The following PAAF1 variants were observed in gnomAD, a reference collection of about 807,000 sequenced individuals.
PAAF1 encodes the protein proteasomal ATPase associated factor 1, also known as proteasomal ATPase-associated factor 1.
Under a neutral mutation model 52.8 loss-of-function variants are expected in PAAF1, and 46 were observed. That is an observed-to-expected ratio of 0.87 (90% CI 0.69 to 1.11). The LOEUF (loss-of-function observed/expected upper bound fraction) is 1.11. Among genes scored for constraint, PAAF1 ranks in the 50% most tolerant of loss-of-function variants. The pLI is 0.00. For missense variants in PAAF1, 424 were observed against 477.4 expected (o/e 0.89, Z 1.04); for synonymous variants, 178 against 172.8 (o/e 1.03, Z -0.24).
intron 6 of PAAF1, among the ~76,000 whole-genome samples, chr11:73,904,905 C>G (rs1326413412): frequency 6.6e-6 from 1 of 152,120 alleles, no homozygotes; most frequent in African/African-American, 2.4e-5. Flanking sequence ...AAGGCAAATG[C>G]TTTTGTGTTC....
chr11:73,876,776 G>C (rs1273448718), upstream of PAAF1: 1 of 382,136 alleles, frequency 2.6e-6, no homozygotes, highest in Non-Finnish European at 4.7e-6. Flanking sequence ...GGGAGAAGAG[G>C]GCCCGAACGC....
intron 10 of PAAF1, chr11:73,922,318 ACT>A (rs1478500569): frequency 4.9e-6 from 2 of 407,936 alleles, no homozygotes; most frequent in Admixed American, 3.3e-5. Context: ...TAAGATTATA[ACT>A]CTGTTTTCAG....
Position 73,924,623 on chromosome 11 carries a change from A to G in PAAF1, c.1027A>G (p.Ser343Gly), listed in dbSNP as rs1252055171. The G allele has an allele frequency of 6.2e-7, 1 of 1,613,666 alleles. No homozygotes were observed. Among genetic ancestry groups the G allele is most frequent in the Non-Finnish European group, 8.5e-7 (1 of 1,179,696 alleles). Residue 343 changes from serine to glycine, a missense_variant, in exon 11 of 12, where the codon AGC (serine) becomes GGC (glycine). By Grantham distance (56) the Ser-to-Gly change is moderately conservative (BLOSUM62 0). Transcript: ENST00000310571. ...DGFIASQGDG[S>G]CFIVQQDLDY... ...TTCTTTCTGCCTTTCAGGTGATGGA[A>G]GCTGTTTTATTGTCCAGCAAGACTT...
rs1950069244 is a variant in PAAF1, at chr11:73,916,566, G to A, written c.841G>A (p.Asp281Asn). The A allele has an allele frequency of 6.2e-7, 1 of 1,613,536 alleles. No individual in the cohort carries two copies. The highest frequency in any genetic ancestry group is 2.2e-5 in the East Asian group (1 of 44,850). Residue 281 changes from aspartate to asparagine, a missense_variant, in exon 9 of 12, where the codon GAC (aspartate) becomes AAC (asparagine). By Grantham distance (23) the Asp-to-Asn change is conservative. Transcript: ENST00000310571. ...CCAGGTGTTCCTCTTTATTGGCTCA[G>A]ACGCTTTCAACTGCTGTACTTTTCT... ...RQLVFLFIGS[D>N]AFNCCTFLSG...
rs766610506 is a variant in PAAF1 at position 73,887,468 on chromosome 11, A to G, written c.192+11A>G. 1.3e-6 allele frequency: 2 copies of G among 1,570,716 alleles called. No individual in the cohort carries two copies. The highest frequency in any genetic ancestry group is 1.7e-6 in the Non-Finnish European group (2 of 1,152,152). ...AATGAAATAAACAAGGTATGTTTTT[A>G]TGTCTTCTAGATGGCATGATATTTA... On this transcript the variant is annotated intron_variant, in intron 3 of 11. Coordinates refer to ENST00000310571, the MANE Select transcript of PAAF1 (RefSeq NM_025155.3).
rs779115471 is a variant in PAAF1 at position 73,900,337 on chromosome 11, T to C, written c.449T>C (p.Leu150Pro). 30 of 1,613,216 alleles carry C rather than the reference T, an allele frequency of 1.9e-5. No individual in the cohort carries two copies. The South Asian group carries it at 3.2e-4, about 17-fold the overall frequency. ...CRFFPSGLVV[L>P]SGGMDAQLKI... The stretch of plus-strand genomic sequence containing the variant: ...TTTTTCCCATCAGGCCTTGTGGTCC[T>C]GAGTGGGGGAATGGATGCCCAGCTG... Residue 150 changes from leucine (L) to proline (P), a missense_variant, in exon 6 of 12, where the codon CTG becomes CCG. Transcript: ENST00000310571.
chr11:73,902,729 C>G (rs150602517), intron 6 of PAAF1, among the ~76,000 whole-genome samples: 18 of 152,202 alleles, frequency 1.2e-4, no homozygotes, highest in African/African-American at 3.1e-4. Flanking sequence ...TGGAGTCTCA[C>G]TCTGTCTCCT....
intron 2 of PAAF1, among the ~76,000 whole-genome samples, chr11:73,882,226 G>A (rs1948930605): frequency 6.6e-6 from 1 of 151,298 alleles, no homozygotes; most frequent in South Asian, 2.1e-4. Flanking sequence ...GTGTTAGTCA[G>A]GATGGTCTCC....
intron 4 of PAAF1, among the ~76,000 whole-genome samples, chr11:73,893,240 G>T (rs564487760): frequency 6.6e-6 from 1 of 152,310 alleles, no homozygotes; most frequent in South Asian, 2.1e-4. Context: ...GAGGCTTTGG[G>T]TGTGTTCTAA....
chr11:73,908,731 G>A (rs181039716), intron 6 of PAAF1, among the ~76,000 whole-genome samples: 1 of 151,682 alleles, frequency 6.6e-6, no homozygotes, highest in Non-Finnish European at 1.5e-5. Flanking sequence ...ATTAGCTTAG[G>A]TGTCAACTTT....
intron 3 of PAAF1, chr11:73,888,946 T>C (rs998771923): frequency 2.9e-5 from 14 of 476,484 alleles, no homozygotes; most frequent in Middle Eastern, 3.0e-4. Flanking sequence ...TTTGGTTCTT[T>C]TACCATAACA....
At chr11:73,912,559 A>G (rs901454240) in intron 7 of PAAF1, among the ~76,000 whole-genome samples, 1 of 151,912 alleles carries the variant, frequency 6.6e-6, no homozygotes, top group Non-Finnish European at 1.5e-5. Context: ...TCTGGTCCAA[A>G]CTATCATCAT....
At chr11:73,897,285 G>A (rs1949427283) in intron 4 of PAAF1, among the ~76,000 whole-genome samples, 1 of 150,466 alleles carries the variant, frequency 6.6e-6, no homozygotes, top group South Asian at 2.1e-4. Flanking sequence ...GTGGGGGGCT[G>A]ACCCCCCCAC....
At chr11:73,892,420 A>G (rs1949226187) in intron 4 of PAAF1, among the ~76,000 whole-genome samples, 1 of 152,066 alleles carries the variant, frequency 6.6e-6, no homozygotes, top group East Asian at 1.9e-4. Flanking sequence ...TAGGACATGT[A>G]AAAAAAGGAG....
At chr11:73,887,260 A>C in intron 2 of PAAF1, 94 bp from the exon 3 acceptor site, 2 of 815,182 alleles carry the variant, frequency 2.5e-6, no homozygotes, top group Non-Finnish European at 3.8e-6. Context: ...TTTCATGGGT[A>C]TACTATTTAT....
Position 73,927,370 on chromosome 11 carries a change from G to T in PAAF1, c.*8G>T. 1 of 1,610,768 alleles carries T rather than the reference G, an allele frequency of 6.2e-7. No homozygotes were observed. The highest frequency in any genetic ancestry group is 8.5e-7 in the Non-Finnish European group (1 of 1,177,226). On this transcript the variant is annotated 3_prime_UTR_variant, in exon 12 of 12. Coordinates refer to ENST00000310571, the MANE Select transcript of PAAF1 (RefSeq NM_025155.3). ...CAGCTTTCTGACCTCTGACTTCTTGGAAAGAGCAGTCCCGGTTAGTGAAAA... is the reference window on the plus strand; with the variant it reads ...CAGCTTTCTGACCTCTGACTTCTTGTAAAGAGCAGTCCCGGTTAGTGAAAA...
chr11:73,912,030 A>G (rs1274810219), intron 7 of PAAF1, among the ~76,000 whole-genome samples: 1 of 150,700 alleles, frequency 6.6e-6, no homozygotes. Flanking sequence ...TCCTCAAAAA[A>G]CTTTTTTTTT....
intron 8 of PAAF1, among the ~76,000 whole-genome samples, chr11:73,914,911 G>C (rs967121512): frequency 6.6e-6 from 1 of 151,826 alleles, no homozygotes; most frequent in African/African-American, 2.4e-5. Context: ...TCACCATGTT[G>C]GCCAGACTAG....
intron 9 of PAAF1, among the ~76,000 whole-genome samples, chr11:73,918,329 T>C (rs1950122288): frequency 3.3e-5 from 5 of 151,250 alleles, no homozygotes; most frequent in Admixed American, 2.6e-4. Context: ...TTATACCTTT[T>C]CTTCCATCAT....
Sources: gnomAD v4.1 joint callset for allele counts (sites outside exome capture counted in the v4.1 genomes callset) on GRCh38, gnomAD v4.1.1 for gene constraint, MANE v1.5 for transcripts, NCBI Gene and HGNC (gene_info 2026-07-23, HGNC 2026-07-21) for gene names.